The following NCOA2 variants were observed in gnomAD, a reference collection of about 807,000 sequenced individuals.
The protein encoded by NCOA2 is class E basic helix-loop-helix protein 75.
NCOA2 carries 21 observed loss-of-function variants against 145.1 expected under a neutral mutation model. The ratio of observed to expected loss-of-function variants is 0.14; its 90% CI spans 0.10 to 0.21. NCOA2 has a LOEUF of 0.21. Ranked by LOEUF, NCOA2 falls within the 10% of genes least tolerant of loss-of-function variation. The pLI is 1.00. For synonymous variants in NCOA2, 619 were observed against 637.5 expected (o/e 0.97, Z 0.44); for missense variants, 1,472 against 1,837.6 (o/e 0.80, Z 3.64).
At chr8:70,222,092 G>T (rs920801622) in intron 2 of NCOA2, among the ~76,000 whole-genome samples, 6 of 152,080 alleles carry the variant, frequency 3.9e-5, no homozygotes, top group African/African-American at 1.4e-4. Context: ...ACAGATTAAT[G>T]TACAGAATCA....
intron 21 of NCOA2, among the ~76,000 whole-genome samples, chr8:70,123,351 T>C (rs1259282626): frequency 5.9e-5 from 9 of 152,314 alleles, no homozygotes; most frequent in African/African-American, 1.9e-4. Context: ...AATAAATCCA[T>C]TATTAAACTA....
chr8:70,288,317 G>T (rs1554617728), intron 2 of NCOA2, among the ~76,000 whole-genome samples: 1 of 152,050 alleles, frequency 6.6e-6, no homozygotes, highest in Non-Finnish European at 1.5e-5. Flanking sequence ...TGTGGCTCAT[G>T]CCTGTAATCT....
chr8:70,410,359 C>T, the NCOA2 span, among the ~76,000 whole-genome samples: 1 of 152,198 alleles, frequency 6.6e-6, no homozygotes, highest in East Asian at 1.9e-4. Context: ...CCCTACAGTT[C>T]TCCTAGGTAT....
the NCOA2 span, among the ~76,000 whole-genome samples, chr8:70,435,357 G>A: frequency 3.5e-5 from 5 of 144,136 alleles, no homozygotes; most frequent in Non-Finnish European, 7.5e-5. Flanking sequence ...CCCAAGAGGC[G>A]GAGCTTGCAG....
intron 5 of NCOA2, 26 bp from the exon 6 acceptor site, chr8:70,170,405 T>G (rs774620395): frequency 6.5e-7 from 1 of 1,531,196 alleles, no homozygotes; most frequent in East Asian, 2.4e-5. Context: ...CAAATTGTGT[T>G]AGAAAGGATG....
chr8:70,148,156 T>C (rs1011981401), intron 12 of NCOA2, 117 bp downstream of exon 12: 1 of 961,682 alleles, frequency 1.0e-6, no homozygotes, highest in African/African-American at 1.6e-5. Context: ...GATGGTGCTA[T>C]TTGATCACAA....
rs866496434 is a variant in NCOA2 at position 70,169,880 on chromosome 8, T to C, written c.541+322A>G. On this transcript the variant is annotated intron_variant, in intron 6 of 22. Transcript: ENST00000452400. Reference sequence around the variant, plus strand: ...TGTTCATTTATCATGAGGTAATTACTGCCAAGCAAAATCATCATCATCATC... The same window carrying C: ...TGTTCATTTATCATGAGGTAATTACCGCCAAGCAAAATCATCATCATCATC... 4.0e-4 allele frequency among the ~76,000 whole-genome samples: 51 copies of C among 127,754 alleles called. No homozygotes were observed. The Middle Eastern group carries it at 0.012, about 29-fold the overall frequency. 83.8% of individuals were successfully genotyped at this position (127,754 alleles called of 152,430 possible). A position where few individuals can be genotyped will look rare whatever the true frequency, so the allele number is the denominator to read the frequency against.
chr8:70,261,719 G>C (rs1586290084), intron 2 of NCOA2, among the ~76,000 whole-genome samples: 1 of 151,998 alleles, frequency 6.6e-6, no homozygotes, highest in East Asian at 1.9e-4. Context: ...ACATAAACTA[G>C]TGAGTGAACA....
chr8:70,406,271 A>T (rs920960186), upstream of NCOA2, among the ~76,000 whole-genome samples: 10 of 152,250 alleles, frequency 6.6e-5, no homozygotes, highest in African/African-American at 2.2e-4. Flanking sequence ...CTCATAAAAC[A>T]TGTTTATAAA....
At chr8:70,397,818 T>C (rs1404042792) in intron 1 of NCOA2, among the ~76,000 whole-genome samples, 1 of 152,252 alleles carries the variant, frequency 6.6e-6, no homozygotes, top group Admixed American at 6.5e-5. Context: ...ATATTTTTTA[T>C]TATAAACATT....
chr8:70,181,901 A>G (rs927148006), intron 4 of NCOA2, among the ~76,000 whole-genome samples: 1 of 152,216 alleles, frequency 6.6e-6, no homozygotes, highest in Admixed American at 6.5e-5. Context: ...TGAAACAATG[A>G]TGGGCAGTTT....
chr8:70,385,792 T>C (rs1424322504), intron 1 of NCOA2, among the ~76,000 whole-genome samples: 3 of 152,254 alleles, frequency 2.0e-5, no homozygotes, highest in Non-Finnish European at 4.4e-5. Context: ...TTTACAATTT[T>C]TCTGCCTTTT....
intron 2 of NCOA2, among the ~76,000 whole-genome samples, chr8:70,235,708 G>A (rs554700245): frequency 1.2e-4 from 18 of 152,202 alleles, no homozygotes; most frequent in African/African-American, 1.4e-4. Context: ...GCTGGGCATC[G>A]TGGTGCACAC....
intron 1 of NCOA2, among the ~76,000 whole-genome samples, chr8:70,355,610 G>A (rs944112221): frequency 1.3e-5 from 2 of 149,964 alleles, no homozygotes; most frequent in Admixed American, 6.7e-5. Context: ...ATCGGCTATC[G>A]TGTTAGCATA....
chr8:70,372,462 C>T (rs1811307309), intron 1 of NCOA2, among the ~76,000 whole-genome samples: 1 of 152,150 alleles, frequency 6.6e-6, no homozygotes. Flanking sequence ...ACCAACCCCA[C>T]CAACCCAAAA....
chr8:70,125,895 A>G (rs1289985744), intron 19 of NCOA2, among the ~76,000 whole-genome samples: 1 of 152,214 alleles, frequency 6.6e-6, no homozygotes, highest in Non-Finnish European at 1.5e-5. Flanking sequence ...GCTGGGAAAC[A>G]AAGGAGGCAA....
At chr8:70,292,989 C>T (rs1055907119) in intron 2 of NCOA2, among the ~76,000 whole-genome samples, 1 of 152,126 alleles carries the variant, frequency 6.6e-6, no homozygotes, top group Admixed American at 6.5e-5. Context: ...CCTGTGAGAC[C>T]AGGATCGTGA....
chr8:70,419,842 A>G, the NCOA2 span, among the ~76,000 whole-genome samples: 1 of 152,250 alleles, frequency 6.6e-6, no homozygotes, highest in Non-Finnish European at 1.5e-5. Context: ...ATGTTTGTAT[A>G]CATTTCCCAT....
the NCOA2 span, among the ~76,000 whole-genome samples, chr8:70,419,078 A>G: frequency 3.3e-5 from 5 of 151,434 alleles, no homozygotes; most frequent in African/African-American, 9.7e-5. Flanking sequence ...TTTTTATAGT[A>G]TAGTGGAATT....
Sources: gnomAD v4.1 joint callset for allele counts (sites outside exome capture counted in the v4.1 genomes callset) on GRCh38, gnomAD v4.1.1 for gene constraint, MANE v1.5 for transcripts, NCBI Gene and HGNC (gene_info 2026-07-23, HGNC 2026-07-21) for gene names.